Variants in PPM1H observed in about 807,000 individuals in gnomAD.
PPM1H encodes the protein protein phosphatase 1H.
A neutral mutation model predicts 54.9 loss-of-function variants in PPM1H; 27 were observed. That is an observed-to-expected ratio of 0.49 (90% CI 0.36 to 0.68). The LOEUF is 0.68. Among genes scored for constraint, PPM1H ranks in the 30% least tolerant of loss-of-function variants. The pLI is 0.00. For missense variants in PPM1H, 596 were observed against 667.8 expected (o/e 0.89, Z 1.19); for synonymous variants, 305 against 270.8 (o/e 1.13, Z -1.24).
chr12:62,737,408 C>A (rs772101355), intron 5 of PPM1H, 94 bp downstream of exon 5: 2 of 771,002 alleles, frequency 2.6e-6, no homozygotes, highest in Non-Finnish European at 4.1e-6. Context: ...ATGCGGTGAG[C>A]CTGCTCCCAT....
chr12:62,897,707 T>G (rs1280309485), intron 1 of PPM1H, among the ~76,000 whole-genome samples: 1 of 152,052 alleles, frequency 6.6e-6, no homozygotes, highest in African/African-American at 2.4e-5. Context: ...GTGGCTTGGC[T>G]GAAAGATTTC....
intron 8 of PPM1H, among the ~76,000 whole-genome samples, chr12:62,673,764 C>T (rs533767740): frequency 1.1e-5 from 1 of 88,576 alleles, no homozygotes; most frequent in African/African-American, 3.6e-5. Flanking sequence ...CTTGCTGTGT[C>T]GCGCAGGCTG....
At chr12:62,699,493 G>A (rs900001561) in intron 6 of PPM1H, among the ~76,000 whole-genome samples, 2 of 152,158 alleles carry the variant, frequency 1.3e-5, no homozygotes, top group South Asian at 4.1e-4. Flanking sequence ...CCACTACACC[G>A]GGCAATTTCC....
chr12:62,900,624 C>G (rs1043642387), intron 1 of PPM1H, among the ~76,000 whole-genome samples: 3 of 151,008 alleles, frequency 2.0e-5, no homozygotes, highest in Non-Finnish European at 4.4e-5. Flanking sequence ...GAAAGGACTA[C>G]GTGGAAACGA....
At chr12:62,729,958 G>A (rs1393089681) in intron 5 of PPM1H, among the ~76,000 whole-genome samples, 2 of 152,076 alleles carry the variant, frequency 1.3e-5, no homozygotes, top group African/African-American at 4.8e-5. Context: ...CAAAAGAAGT[G>A]AAAATGGCCT....
chr12:62,902,611 T>A (rs1402145927), intron 1 of PPM1H, among the ~76,000 whole-genome samples: 2 of 152,138 alleles, frequency 1.3e-5, no homozygotes, highest in African/African-American at 4.8e-5. Flanking sequence ...ACTCTTCCCC[T>A]TGTTGGCTGA....
intron 2 of PPM1H, among the ~76,000 whole-genome samples, chr12:62,820,257 G>C (rs890588391): frequency 6.6e-6 from 1 of 152,206 alleles, no homozygotes; most frequent in Non-Finnish European, 1.5e-5. Flanking sequence ...GGGGAAGCTC[G>C]AACTGGGCAG....
intron 4 of PPM1H, among the ~76,000 whole-genome samples, chr12:62,748,529 A>AACACACACACACACACACACACACAC (rs3052402): frequency 6.8e-6 from 1 of 147,290 alleles, no homozygotes; most frequent in African/African-American, 2.5e-5. Context: ...TTCAGTGTAG[A>AACACACACACACACACACACACACAC]ACACACACAC....
intron 4 of PPM1H, among the ~76,000 whole-genome samples, chr12:62,760,971 C>G (rs1278366814): frequency 1.3e-5 from 2 of 152,138 alleles, no homozygotes; most frequent in Admixed American, 6.5e-5. Context: ...TGTTTACTTT[C>G]AGTTTACATA....
At chr12:62,899,936 A>G (rs928342755) in intron 1 of PPM1H, among the ~76,000 whole-genome samples, 9 of 152,156 alleles carry the variant, frequency 5.9e-5, no homozygotes, top group African/African-American at 1.9e-4. Context: ...TACTGCCCTC[A>G]TAAAAGAGAC....
At chr12:62,816,054 T>C (rs2076864508) in intron 2 of PPM1H, among the ~76,000 whole-genome samples, 1 of 152,184 alleles carries the variant, frequency 6.6e-6, no homozygotes, top group East Asian at 1.9e-4. Context: ...AAATATTTAG[T>C]GTCAAATTTT....
intron 1 of PPM1H, among the ~76,000 whole-genome samples, chr12:62,916,118 A>G (rs1592669504): frequency 6.6e-6 from 1 of 152,304 alleles, no homozygotes; most frequent in African/African-American, 2.4e-5. Flanking sequence ...CTCCCCTGCT[A>G]ACTTGTGAGC....
At position 62,934,448 on chromosome 12, in the gene PPM1H, G is replaced by A; in HGVS notation, c.245+44C>T. The A allele has an allele frequency of 2.0e-6, 3 of 1,499,744 alleles. No individual in the cohort carries two copies. Among genetic ancestry groups the A allele is most frequent in the South Asian group, 2.6e-5 (2 of 77,222 alleles). The allele number at this position is 1,499,744 out of a possible 1,614,324, so 92.9% of individuals were successfully genotyped here. Reference sequence around the variant, plus strand: ...AGAGGGCTGGAACCGTGCGGGGAAGGGCCGCGAGGAGAGCAGGGGCGCCGC... The same window carrying A: ...AGAGGGCTGGAACCGTGCGGGGAAGAGCCGCGAGGAGAGCAGGGGCGCCGC... On this transcript the variant is annotated intron_variant, in intron 1 of 9. Transcript: ENST00000228705. The surrounding 1 kb of genome is among the most constrained non-coding windows in gnomAD (Gnocchi z 4.2).
intron 1 of PPM1H, among the ~76,000 whole-genome samples, chr12:62,899,398 C>T (rs1307941944): frequency 6.6e-6 from 1 of 151,942 alleles, no homozygotes; most frequent in African/African-American, 2.4e-5. Context: ...CAGAGAGACC[C>T]CCATCCCTAA....
chr12:62,755,787 CTG>C (rs2076470365), intron 4 of PPM1H: 2 of 944,690 alleles, frequency 2.1e-6, no homozygotes, highest in East Asian at 2.4e-5. Context: ...ACCCAGAAGA[CTG>C]TGGATGGCCC....
chr12:62,677,295 G>A (rs552774845), intron 8 of PPM1H, among the ~76,000 whole-genome samples: 24 of 152,304 alleles, frequency 1.6e-4, no homozygotes, highest in African/African-American at 5.3e-4. Context: ...ACTGAATGGC[G>A]GGACTGAAAG....
intron 1 of PPM1H, among the ~76,000 whole-genome samples, chr12:62,856,186 C>T (rs1869381109): frequency 6.6e-6 from 1 of 152,194 alleles, no homozygotes; most frequent in Admixed American, 6.6e-5. Context: ...CCAGAACTCT[C>T]CCTCTGTACA....
Position 62,795,559 on chromosome 12 carries a change from G to T in PPM1H, c.756+6257C>A, listed in dbSNP as rs1343856708. Among the ~76,000 whole-genome samples, 15 of 152,104 alleles carry T rather than the reference G, an allele frequency of 9.9e-5. 1 individual carries two copies. The South Asian group carries it at 2.9e-3, about 30-fold the overall frequency. ...CCTCCCGGGTTCACACCATTCTCCT[G>T]CCTCAGGCTCCCGAGTAGCTGGGAC... On this transcript the variant is annotated intron_variant, in intron 3 of 9. Transcript: ENST00000228705.
chr12:62,799,660 A>G (rs2076754602), intron 3 of PPM1H, among the ~76,000 whole-genome samples: 1 of 152,170 alleles, frequency 6.6e-6, no homozygotes, highest in Admixed American at 6.5e-5. Context: ...AATCTTTTCC[A>G]GCCTCCTGGT....
Sources: allele counts gnomAD v4.1 joint callset (sites outside exome capture counted in the v4.1 genomes callset), GRCh38; gene constraint gnomAD v4.1.1; non-coding constraint Gnocchi (gnomAD v3.1); transcripts MANE v1.5; gene names NCBI Gene and HGNC (gene_info 2026-07-23, HGNC 2026-07-21).